SH2D4B: variants seen among roughly 807,000 people sequenced by gnomAD.
The protein encoded by SH2D4B is SH2 domain containing 4B, also known as SH2 domain-containing protein 4B.
Under a neutral mutation model 61.5 loss-of-function variants are expected in SH2D4B, and 45 were observed. The observed-to-expected ratio is 0.73, with a 90% CI of 0.58 to 0.94. The LOEUF is 0.94. SH2D4B is among the 40% of genes least tolerant of loss of function. The probability of loss-of-function intolerance (pLI) is 0.00; values close to 1 mark genes in which losing one functional copy is unlikely to be tolerated. For synonymous variants in SH2D4B, 224 were observed against 220.4 expected, an observed-to-expected ratio of 1.02 and a Z score of -0.14; for missense variants, 572 against 574.2, an observed-to-expected ratio of 1.00 and a Z score of 0.04.
intron 4 of SH2D4B, among the ~76,000 whole-genome samples, chr10:80,596,979 TAA>T (rs35176672): frequency 6.6e-6 from 1 of 151,908 alleles, no homozygotes; most frequent in Non-Finnish European, 1.5e-5. Context: ...AAAAAAACAA[TAA>T]AAAATAACAT....
intron 4 of SH2D4B, among the ~76,000 whole-genome samples, chr10:80,600,769 C>T (rs182126145): frequency 6.6e-6 from 1 of 152,240 alleles, no homozygotes; most frequent in East Asian, 1.9e-4. Context: ...TGTCTGAATT[C>T]CAAAAACCCG....
At chr10:80,572,945 AATATATATAT>A (rs869061750) in intron 3 of SH2D4B, among the ~76,000 whole-genome samples, 508 of 20,588 alleles carry the variant, frequency 0.025, 21 homozygotes, top group East Asian at 0.039. Context: ...GTATGTTGCA[AATATATATAT>A]ATATATATAT....
intron 4 of SH2D4B, among the ~76,000 whole-genome samples, chr10:80,591,018 C>T (rs1842318823): frequency 6.6e-6 from 1 of 150,616 alleles, no homozygotes; most frequent in Admixed American, 6.6e-5. Context: ...TGGTGTCTGA[C>T]TTTGCTTAGC....
chr10:80,593,993 T>A (rs951685552), intron 4 of SH2D4B, among the ~76,000 whole-genome samples: 1 of 152,040 alleles, frequency 6.6e-6, no homozygotes, highest in Admixed American at 6.6e-5. Flanking sequence ...TATATATATT[T>A]TTAGCGACGG....
At chr10:80,572,539 T>C (rs1389409716) in intron 3 of SH2D4B, among the ~76,000 whole-genome samples, 1 of 152,160 alleles carries the variant, frequency 6.6e-6, no homozygotes, top group Non-Finnish European at 1.5e-5. Context: ...TAAAAAAATT[T>C]TAAAACTTTG....
intron 7 of SH2D4B, among the ~76,000 whole-genome samples, chr10:80,641,495 C>A (rs1409801780): frequency 6.6e-6 from 1 of 152,268 alleles, no homozygotes. Flanking sequence ...TCAAGCCCAG[C>A]AATGGCAGAC....
intron 7 of SH2D4B, among the ~76,000 whole-genome samples, chr10:80,636,732 T>C (rs1342878749): frequency 6.6e-6 from 1 of 152,224 alleles, no homozygotes; most frequent in East Asian, 1.9e-4. Flanking sequence ...GCAAAAATTT[T>C]CTCCCTTGCC....
At chr10:80,555,002 C>CAAA (rs35160548) in intron 1 of SH2D4B, among the ~76,000 whole-genome samples, 114 of 63,556 alleles carry the variant, frequency 1.8e-3, no homozygotes, top group Admixed American at 4.4e-3. Flanking sequence ...AGGCGAGTCT[C>CAAA]AAAAAAAAAA....
chr10:80,597,589 C>T (rs1842398324), intron 4 of SH2D4B, among the ~76,000 whole-genome samples: 1 of 152,184 alleles, frequency 6.6e-6, no homozygotes, highest in Non-Finnish European at 1.5e-5. Flanking sequence ...TCTCTTGAAC[C>T]CGGGAGGTGG....
intron 1 of SH2D4B, among the ~76,000 whole-genome samples, chr10:80,560,776 T>G (rs1193087267): frequency 6.6e-6 from 1 of 150,832 alleles, no homozygotes; most frequent in East Asian, 1.9e-4. Flanking sequence ...CTCAAAGTGT[T>G]GTTCCTGAAT....
At chr10:80,578,648 G>A (rs774169565) in intron 3 of SH2D4B, among the ~76,000 whole-genome samples, 9 of 152,162 alleles carry the variant, frequency 5.9e-5, no homozygotes, top group Non-Finnish European at 1.3e-4. Flanking sequence ...GCTCTTAAAT[G>A]CTACATTAAG....
At chr10:80,632,608 T>A (rs918807568) in intron 6 of SH2D4B, among the ~76,000 whole-genome samples, 6 of 152,104 alleles carry the variant, frequency 3.9e-5, no homozygotes, top group Admixed American at 1.3e-4. Context: ...GCCCTGGCCC[T>A]GCGTCTGGCC....
chr10:80,628,073 T>G (rs776583078), intron 6 of SH2D4B, among the ~76,000 whole-genome samples: 6 of 152,182 alleles, frequency 3.9e-5, no homozygotes, highest in African/African-American at 1.4e-4. Context: ...CCCTGTTTCC[T>G]CAGCCAGGAG....
At chr10:80,639,020 T>C (rs1374827723) in intron 7 of SH2D4B, among the ~76,000 whole-genome samples, 2 of 152,252 alleles carry the variant, frequency 1.3e-5, no homozygotes, top group African/African-American at 4.8e-5. Context: ...AACAACTTTA[T>C]TTCTGCCTTC....
intron 4 of SH2D4B, among the ~76,000 whole-genome samples, chr10:80,598,420 GC>G: frequency 6.6e-6 from 1 of 152,148 alleles, no homozygotes; most frequent in East Asian, 1.9e-4. Context: ...AAATGGGAAA[GC>G]CTCTGAAAAC....
chr10:80,584,224 G>A (rs1265261371), intron 3 of SH2D4B, among the ~76,000 whole-genome samples: 1 of 152,164 alleles, frequency 6.6e-6, no homozygotes, highest in Non-Finnish European at 1.5e-5. Context: ...AAGAAACAGG[G>A]GCTCCAACTC....
chr10:80,585,975 G>A (rs1307270913), intron 3 of SH2D4B, among the ~76,000 whole-genome samples: 2 of 152,112 alleles, frequency 1.3e-5, no homozygotes, highest in South Asian at 2.1e-4. Context: ...TCGGAGCGTC[G>A]AGCCGGCCCC....
intron 4 of SH2D4B, 148 bp downstream of exon 4, chr10:80,588,925 A>G: frequency 2.2e-6 from 2 of 898,196 alleles, no homozygotes; most frequent in Non-Finnish European, 3.4e-6. Flanking sequence ...CAGTCCTGCT[A>G]AGAATTTAGA....
At position 80,634,378 on chromosome 10, in the gene SH2D4B, C is replaced by T; in HGVS notation, c.1082C>T (p.Thr361Ile). ...VRVSEKIWGY[T>I]LSYRLQKGFK... ...GTCAGTGAGAAAATCTGGGGTTACA[C>T]CCTCTCCTACCGCCTGCAGAAAGGG... Residue 361 changes from threonine to isoleucine, a missense_variant, in exon 7 of 8, where the codon ACC (threonine) becomes ATC (isoleucine). By Grantham distance (89) the Thr-to-Ile change is moderately conservative. Coordinates refer to ENST00000646907, the MANE Select transcript of SH2D4B (RefSeq NM_001388272.1). 3.2e-6 allele frequency: 5 copies of T among 1,550,578 alleles called. No individual in the cohort carries two copies. Among genetic ancestry groups the T allele is most frequent in the South Asian group, 1.2e-5 (1 of 84,062 alleles).
Sources: gnomAD v4.1 joint callset for allele counts (sites outside exome capture counted in the v4.1 genomes callset) on GRCh38, gnomAD v4.1.1 for gene constraint, MANE v1.5 for transcripts, NCBI Gene and HGNC (gene_info 2026-07-23, HGNC 2026-07-21) for gene names.